The following AFF2 variants were observed in gnomAD, a reference collection of about 807,000 sequenced individuals.
The protein encoded by AFF2 is ALF transcription elongation factor 2, also known as AF4/FMR2 family member 2.
Under a neutral mutation model 76.9 loss-of-function variants are expected in AFF2, and 14 were observed. The observed-to-expected ratio is 0.18, with a 90% confidence interval of 0.12 to 0.28. The LOEUF (loss-of-function observed/expected upper bound fraction) is 0.28. AFF2 is among the 10% of genes least tolerant of loss of function. The pLI, the probability that AFF2 is intolerant of heterozygous loss-of-function variation, is 1.00. For synonymous variants in AFF2, 398 were observed against 366.7 expected (o/e 1.09, Z -0.98); for missense variants, 868 against 1,001.1 (o/e 0.87, Z 1.79).
At chrX:148,962,656 A>T in intron 12 of AFF2, 59 bp from the exon 13 acceptor site, 1 of 1,009,305 alleles carries the variant, frequency 9.9e-7, no homozygotes, top group Non-Finnish European at 1.4e-6. Context: ...CATCATGGGG[A>T]AAATCAGAAT....
intron 20 of AFF2, among the ~76,000 whole-genome samples, chrX:148,990,636 A>AAAGTTGTTAAG (rs1318773728): frequency 1.8e-5 from 2 of 111,927 alleles, no homozygotes; most frequent in Non-Finnish European, 1.9e-5. Context: ...AGGGGCTGGA[A>AAAGTTGTTAAG]AAGTTGTTAA....
At chrX:148,979,959 G>A (rs1557290695) in intron 18 of AFF2, among the ~76,000 whole-genome samples, 2 of 112,072 alleles carry the variant, frequency 1.8e-5, no homozygotes, top group Non-Finnish European at 3.8e-5. Context: ...GCAGGTCTGA[G>A]TCAGGCACAG....
At chrX:148,577,159 T>G (rs1317923675) in intron 1 of AFF2, among the ~76,000 whole-genome samples, 1 of 112,190 alleles carries the variant, frequency 8.9e-6, no homozygotes, top group Admixed American at 9.4e-5. Flanking sequence ...TTGCTATTCA[T>G]GAAAAAGCCT....
intron 3 of AFF2, among the ~76,000 whole-genome samples, chrX:148,681,189 T>C (rs189953956): frequency 9.0e-6 from 1 of 111,693 alleles, no homozygotes. Flanking sequence ...TAATAATACT[T>C]ACTTGAGATT....
intron 3 of AFF2, among the ~76,000 whole-genome samples, chrX:148,754,435 T>A (rs143539928): frequency 2.6e-3 from 287 of 110,602 alleles, no homozygotes; most frequent in Non-Finnish European, 4.5e-3. Context: ...TTTCTTCCCG[T>A]CAATACATTT....
chrX:148,934,153 T>C (rs2071745964), intron 9 of AFF2, among the ~76,000 whole-genome samples: 1 of 112,815 alleles, frequency 8.9e-6, no homozygotes, highest in African/African-American at 3.2e-5. Flanking sequence ...TGGTTTGTGG[T>C]TGATCACCAG....
chrX:148,852,593 A>G (rs187752116), intron 7 of AFF2, among the ~76,000 whole-genome samples: 1 of 111,381 alleles, frequency 9.0e-6, no homozygotes, highest in African/African-American at 3.3e-5. Context: ...TGGTACAGAA[A>G]GAAACGAAGA....
At chrX:148,704,460 GTATATATTTATATATA>G (rs1420614744) in intron 3 of AFF2, among the ~76,000 whole-genome samples, 33 of 14,873 alleles carry the variant, frequency 2.2e-3, no homozygotes, top group Non-Finnish European at 3.0e-3. Flanking sequence ...TTATATATGT[GTATATATTTATATATA>G]TGTGTATATA....
At chrX:148,777,403 G>A (rs1461076015) in intron 3 of AFF2, among the ~76,000 whole-genome samples, 1 of 111,760 alleles carries the variant, frequency 8.9e-6, no homozygotes, top group East Asian at 2.8e-4. Flanking sequence ...AAAGTCAATG[G>A]TAGCTTGATG....
chrX:148,780,938 A>G (rs1261401790), intron 3 of AFF2, among the ~76,000 whole-genome samples: 2 of 111,602 alleles, frequency 1.8e-5, no homozygotes, highest in Admixed American at 9.5e-5. Context: ...GAGTTTTTGC[A>G]TGGTCATCCT....
chrX:148,785,602 A>G (rs2069808743), intron 3 of AFF2, among the ~76,000 whole-genome samples: 2 of 111,256 alleles, frequency 1.8e-5, no homozygotes, highest in Admixed American at 1.9e-4. Flanking sequence ...TATGCTATAG[A>G]TATGTTCCCC....
chrX:148,907,453 T>C (rs1557281552), intron 9 of AFF2, among the ~76,000 whole-genome samples: 1 of 111,622 alleles, frequency 9.0e-6, no homozygotes, highest in Non-Finnish European at 1.9e-5. Context: ...CTGTTTTCCC[T>C]AAGTGTCAGC....
intron 20 of AFF2, among the ~76,000 whole-genome samples, chrX:148,990,126 G>T (rs927750571): frequency 8.9e-6 from 1 of 112,173 alleles, no homozygotes; most frequent in Non-Finnish European, 1.9e-5. Context: ...CATAGTACAG[G>T]TTAAAAAGTA....
Position 148,662,365 on chromosome X carries a change from A to G in AFF2, c.638A>G (p.Asn213Ser). 8.3e-7 allele frequency: 1 copy of G among 1,211,829 alleles called. No homozygotes were observed. Among genetic ancestry groups the G allele is most frequent in the Non-Finnish European group, 1.1e-6 (1 of 895,480 alleles). Residue 213 changes from asparagine (N) to serine (S), a missense_variant, in exon 3 of 21, where the codon AAC becomes AGC. By Grantham distance (46) the Asn-to-Ser change is conservative. Transcript: ENST00000370460. Reference sequence around the variant, plus strand: ...CAGATTGGAGAAGTTGAAGAGTCAAACCCATCTGCAAAGGAAGACAGTAAC... The same window carrying G: ...CAGATTGGAGAAGTTGAAGAGTCAAGCCCATCTGCAAAGGAAGACAGTAAC... The part of the protein sequence containing the change: ...QPQIGEVEES[N>S]PSAKEDSNPN...
intron 1 of AFF2, among the ~76,000 whole-genome samples, chrX:148,518,604 G>A (rs2052563450): frequency 8.9e-6 from 1 of 112,257 alleles, no homozygotes; most frequent in Non-Finnish European, 1.9e-5. Context: ...TAAGGTGGAG[G>A]AGTATGCATG....
intron 9 of AFF2, among the ~76,000 whole-genome samples, chrX:148,947,677 G>C (rs1035401672): frequency 2.7e-5 from 3 of 111,770 alleles, no homozygotes; most frequent in Admixed American, 9.5e-5. Context: ...GGCCTAATGT[G>C]ATGAGGCAGG....
chrX:148,851,696 C>T (rs781872956), intron 7 of AFF2, among the ~76,000 whole-genome samples: 26 of 111,887 alleles, frequency 2.3e-4, no homozygotes, highest in Non-Finnish European at 4.3e-4. Flanking sequence ...ATAAAAATTC[C>T]AGATGGAGAT....
chrX:148,618,988 C>G (rs1040902871), intron 1 of AFF2, among the ~76,000 whole-genome samples: 9 of 111,225 alleles, frequency 8.1e-5, no homozygotes, highest in African/African-American at 2.9e-4. Flanking sequence ...TGTCCAGAGG[C>G]CAAAGAATAT....
intron 4 of AFF2, among the ~76,000 whole-genome samples, chrX:148,815,720 T>G (rs2124645194): frequency 9.0e-6 from 1 of 111,291 alleles, no homozygotes; most frequent in East Asian, 2.8e-4. Flanking sequence ...ATGAGGTGAC[T>G]GGGCCAGTGA....
Sources: gnomAD v4.1 joint callset for allele counts (sites outside exome capture counted in the v4.1 genomes callset) on GRCh38, gnomAD v4.1.1 for gene constraint, MANE v1.5 for transcripts, NCBI Gene and HGNC (gene_info 2026-07-23, HGNC 2026-07-21) for gene names.